Variants in FBXO36 observed in about 807,000 individuals in gnomAD.
FBXO36 encodes F-box protein 36.
Under a neutral mutation model 17.0 loss-of-function variants are expected in FBXO36, and 18 were observed. The observed-to-expected ratio is 1.06, with a 90% CI of 0.73 to 1.57. FBXO36 has a LOEUF of 1.57. Ranked by LOEUF, FBXO36 falls within the 40% of genes most tolerant of loss-of-function variation. FBXO36 has a pLI of 0.00. For missense variants in FBXO36, 229 were observed against 221.9 expected, an observed-to-expected ratio of 1.03 and a Z score of -0.20; for synonymous variants, 83 against 85.3, an observed-to-expected ratio of 0.97 and a Z score of 0.15.
intron 1 of FBXO36, among the ~76,000 whole-genome samples, chr2:229,966,344 A>G (rs1032660413): frequency 6.6e-5 from 10 of 152,026 alleles, no homozygotes; most frequent in African/African-American, 2.4e-4. Flanking sequence ...GTTCACTCTG[A>G]TGGTAGTTTC....
At chr2:229,991,108 G>T (rs1467611867) in intron 2 of FBXO36, among the ~76,000 whole-genome samples, 1 of 151,932 alleles carries the variant, frequency 6.6e-6, no homozygotes, top group African/African-American at 2.4e-5. Context: ...GCTAATTTTT[G>T]TATTTTTAAT....
chr2:230,007,996 T>C (rs1487874407), intron 3 of FBXO36, among the ~76,000 whole-genome samples: 1 of 152,174 alleles, frequency 6.6e-6, no homozygotes, highest in African/African-American at 2.4e-5. Flanking sequence ...CGCAGAGTGC[T>C]GGGATTACAG....
chr2:229,987,828 GC>G (rs1365098937), intron 2 of FBXO36, among the ~76,000 whole-genome samples: 1 of 151,882 alleles, frequency 6.6e-6, no homozygotes, highest in African/African-American at 2.4e-5. Context: ...ACTATGGTGC[GC>G]AGGCTGGTCT....
chr2:229,970,870 A>C (rs2077176659), intron 1 of FBXO36, among the ~76,000 whole-genome samples: 1 of 152,236 alleles, frequency 6.6e-6, no homozygotes, highest in Admixed American at 6.5e-5. Flanking sequence ...AATGTTCTAA[A>C]ATACATGCCT....
rs976384369 is a variant in FBXO36, at chr2:229,922,750, C to G, written c.96+141C>G. ...CCCGGCTCCGCGCCGGGAGATTTTC[C>G]TCGTCACCTCGGCCTCCTCGGTCCG... is the stretch of plus-strand genomic sequence containing the variant. On this transcript the variant is annotated intron_variant, in intron 1 of 3. Transcript: ENST00000283946. The G allele has an allele frequency of 1.7e-5, 14 of 801,630 alleles. No homozygotes were observed. The Middle Eastern group carries it at 1.0e-3, about 58-fold the overall frequency. The allele number at this position is 801,630 out of a possible 1,614,324, so 49.7% of individuals were successfully genotyped here.
At chr2:229,986,532 A>T (rs915787931) in intron 2 of FBXO36, among the ~76,000 whole-genome samples, 1 of 151,268 alleles carries the variant, frequency 6.6e-6, no homozygotes, top group Non-Finnish European at 1.5e-5. Flanking sequence ...TAAACATAAA[A>T]ATTTTTTTTT....
At chr2:229,967,147 T>C (rs1340854906) in intron 1 of FBXO36, among the ~76,000 whole-genome samples, 1 of 152,226 alleles carries the variant, frequency 6.6e-6, no homozygotes, top group Non-Finnish European at 1.5e-5. Context: ...CAATTGTGAA[T>C]GGGCGTTCAC....
intron 1 of FBXO36, among the ~76,000 whole-genome samples, chr2:229,925,077 CTTAAT>C (rs1317032268): frequency 7.3e-5 from 11 of 151,572 alleles, no homozygotes; most frequent in African/African-American, 2.7e-4. Context: ...CTTCAGTGTT[CTTAAT>C]TTTTCTTTTT....
intron 1 of FBXO36, among the ~76,000 whole-genome samples, chr2:229,940,213 T>C (rs2076991106): frequency 6.6e-6 from 1 of 152,244 alleles, no homozygotes; most frequent in African/African-American, 2.4e-5. Context: ...AGGATGTTTT[T>C]ATATAAGTGA....
At chr2:229,972,631 T>A (rs796417756) in intron 1 of FBXO36, among the ~76,000 whole-genome samples, 5 of 151,974 alleles carry the variant, frequency 3.3e-5, no homozygotes, top group African/African-American at 1.2e-4. Flanking sequence ...TTCTCTCATG[T>A]CATCCCACCG....
chr2:230,011,474 C>T lies in FBXO36; in HGVS notation c.*590C>T, dbSNP rs2077415107. On this transcript the variant is annotated 3_prime_UTR_variant, in exon 4 of 4. Transcript: ENST00000283946. Reference sequence around the variant, plus strand: ...GTCCATCCCCGCATGTAGACAGCTTCCGACCTGGTGCTGGAGCATGACTGG... The same window carrying T: ...GTCCATCCCCGCATGTAGACAGCTTTCGACCTGGTGCTGGAGCATGACTGG... 2 of 152,318 alleles carry T rather than the reference C, an allele frequency of 1.3e-5. No homozygotes were observed. The highest frequency in any genetic ancestry group is 4.1e-4 in the South Asian group (2 of 4,832). The allele number at this position is 152,318 out of a possible 1,614,324, so 9.4% of individuals were successfully genotyped here.
In FBXO36 at chr2:229,976,456, G is replaced by A. The variant is rs2077208932; in HGVS notation, c.205+107G>A. 8 of 743,900 alleles carry A rather than the reference G, an allele frequency of 1.1e-5. No individual in the cohort carries two copies. The East Asian group carries it at 1.9e-4, about 17-fold the overall frequency. The allele number at this position is 743,900 out of a possible 1,614,324, so 46.1% of individuals were successfully genotyped here. On this transcript the variant is annotated intron_variant, in intron 2 of 3. Transcript: ENST00000283946. The stretch of plus-strand genomic sequence containing the variant: ...TTTTCACTTGAAATATTGATATGCA[G>A]TTATGTACTTACATATACAATGTTA...
At chr2:229,943,079 C>T (rs1460838005) in intron 1 of FBXO36, 1 of 152,266 alleles carries the variant, frequency 6.6e-6, no homozygotes, top group Non-Finnish European at 1.5e-5. Flanking sequence ...AGGCGCACTT[C>T]CTTTATCCCT....
chr2:229,947,990 G>A (rs2077036378), intron 1 of FBXO36, among the ~76,000 whole-genome samples: 1 of 152,152 alleles, frequency 6.6e-6, no homozygotes, highest in African/African-American at 2.4e-5. Context: ...ATGTCACTAA[G>A]GACAGAGCTT....
intron 2 of FBXO36, among the ~76,000 whole-genome samples, chr2:229,979,549 G>A (rs543579204): frequency 5.9e-5 from 9 of 151,896 alleles, no homozygotes; most frequent in Non-Finnish European, 8.8e-5. Context: ...GGAGGCAGAC[G>A]CAGGTGGATC....
At chr2:229,996,709 G>A in intron 2 of FBXO36, 42 bp from the exon 3 acceptor site, 1 of 1,543,358 alleles carries the variant, frequency 6.5e-7, no homozygotes, top group Non-Finnish European at 8.7e-7. Context: ...TAATTTTTAT[G>A]TGACTGTATA....
chr2:229,946,218 T>C (rs2077026561), intron 1 of FBXO36, among the ~76,000 whole-genome samples: 1 of 152,186 alleles, frequency 6.6e-6, no homozygotes. Context: ...GATGCACTGC[T>C]GTGTTTAAGG....
chr2:229,948,052 A>C (rs933825523), intron 1 of FBXO36, among the ~76,000 whole-genome samples: 4 of 152,188 alleles, frequency 2.6e-5, no homozygotes, highest in Admixed American at 1.3e-4. Context: ...TAATCCCAGC[A>C]CTTTGGGAGG....
At chr2:230,004,546 G>A (rs2077376709) in intron 3 of FBXO36, among the ~76,000 whole-genome samples, 1 of 152,066 alleles carries the variant, frequency 6.6e-6, no homozygotes, top group Admixed American at 6.6e-5. Flanking sequence ...ACTGTGTTTT[G>A]CATGTCCTTC....
Sources: allele counts gnomAD v4.1 joint callset (sites outside exome capture counted in the v4.1 genomes callset), GRCh38; gene constraint gnomAD v4.1.1; transcripts MANE v1.5; gene names NCBI Gene and HGNC (gene_info 2026-07-23, HGNC 2026-07-21).